SMG7: variants seen among roughly 807,000 people sequenced by gnomAD.
The protein encoded by SMG7 is nonsense-mediated mRNA decay factor SMG7.
In SMG7, 34 loss-of-function variants were observed where a neutral mutation model predicts 148.2. That is an observed-to-expected ratio of 0.23 (90% CI 0.17 to 0.31). The LOEUF (loss-of-function observed/expected upper bound fraction) is 0.31, where lower values mean the gene tolerates loss of function less well. Among genes scored for constraint, SMG7 ranks in the 10% least tolerant of loss-of-function variants. SMG7 has a pLI of 1.00. For synonymous variants in SMG7, 492 were observed against 515.1 expected, an observed-to-expected ratio of 0.96 and a Z score of 0.61; for missense variants, 1,114 against 1,408.4, an observed-to-expected ratio of 0.79 and a Z score of 3.35.
In SMG7 at chr1:183,497,277, T is replaced by C. The variant is rs147724072; in HGVS notation, c.30-15560T>C. Among the ~76,000 whole-genome samples the C allele has an allele frequency of 2.5e-3, 377 of 152,358 alleles. 1 individual carries two copies. Among genetic ancestry groups the C allele is most frequent in the Middle Eastern group, 0.024 (7 of 294 alleles). ...GGGCCCTCAACTGGAATGGCTGTGATAGCTAAGAAAACTGGGTCTCTCTTC... is the reference window on the plus strand; with the variant it reads ...GGGCCCTCAACTGGAATGGCTGTGACAGCTAAGAAAACTGGGTCTCTCTTC... On this transcript the variant is annotated intron_variant, in intron 1 of 22. Transcript: ENST00000688051.
Position 183,552,840 on chromosome 1 carries a change from AT to A in SMG7, c.*915del, listed in dbSNP as rs1237955169. On this transcript the variant is annotated 3_prime_UTR_variant, in exon 23 of 23. Transcript: ENST00000688051. ...ATAGGTAGAAGCTTTCAGTGTGGTTATTTTTTCTTTGGTTGGTTTTTGTGCC... is the reference window on the plus strand; with the variant it reads ...ATAGGTAGAAGCTTTCAGTGTGGTTATTTTTCTTTGGTTGGTTTTTGTGCC... The A allele has an allele frequency of 7.7e-6, 11 of 1,432,978 alleles. No individual in the cohort carries two copies. Among genetic ancestry groups the A allele is most frequent in the Non-Finnish European group, 9.1e-6 (10 of 1,098,188 alleles). The allele number at this position is 1,432,978 out of a possible 1,614,324, so 88.8% of individuals were successfully genotyped here. A position where few individuals can be genotyped will look rare whatever the true frequency, so the allele number is the denominator to read the frequency against.
At chr1:183,548,568 T>C (rs1469603275) in intron 18 of SMG7, among the ~76,000 whole-genome samples, 1 of 152,200 alleles carries the variant, frequency 6.6e-6, no homozygotes, top group Non-Finnish European at 1.5e-5. Context: ...ATATTTAACA[T>C]TAATGATACA....
At chr1:183,524,340 T>C (rs1665394772) in intron 4 of SMG7, among the ~76,000 whole-genome samples, 1 of 152,172 alleles carries the variant, frequency 6.6e-6, no homozygotes, top group East Asian at 1.9e-4. Context: ...AGGCTGGTCT[T>C]GAACTCCTGA....
At chr1:183,523,285 C>T (rs1558018799) in intron 4 of SMG7, among the ~76,000 whole-genome samples, 1 of 152,230 alleles carries the variant, frequency 6.6e-6, no homozygotes, top group East Asian at 1.9e-4. Flanking sequence ...TAAATAGGAA[C>T]CCAGAAACTG....
Position 183,550,806 on chromosome 1 carries a change from C to G in SMG7, c.3189C>G (p.Pro1063=). 1 of 1,614,148 alleles carries G rather than the reference C, an allele frequency of 6.2e-7. No individual in the cohort carries two copies. The highest frequency in any genetic ancestry group is 8.5e-7 in the Non-Finnish European group (1 of 1,179,996). ...SPHSSNPSSL[P]SSPPTHNHNS... ...ATTCCTCTAACCCAAGCAGCCTACC[C>G]AGCTCTCCTCCAACACACAACCATA... is the stretch of plus-strand genomic sequence containing the variant. Residue 1063 remains proline (P), a synonymous_variant, in exon 21 of 23, where the codon CCC becomes CCG. Coordinates refer to ENST00000688051, the MANE Select transcript of SMG7 (RefSeq NM_001375584.1).
At chr1:183,503,712 C>G (rs1425258431) in intron 1 of SMG7, among the ~76,000 whole-genome samples, 1 of 152,174 alleles carries the variant, frequency 6.6e-6, no homozygotes, top group Non-Finnish European at 1.5e-5. Flanking sequence ...TTGAACTATT[C>G]ATGTCACAAT....
chr1:183,542,950 T>TGTGC (rs1553251975), intron 14 of SMG7, among the ~76,000 whole-genome samples: 6 of 149,274 alleles, frequency 4.0e-5, no homozygotes, highest in Admixed American at 2.7e-4. Context: ...TGTGTGTGTG[T>TGTGC]GTGTGTGTGT....
intron 7 of SMG7, 56 bp downstream of exon 7, chr1:183,529,098 CT>C: frequency 6.7e-7 from 1 of 1,490,806 alleles, no homozygotes; most frequent in Non-Finnish European, 9.1e-7. Context: ...AACCTGGAGC[CT>C]TAATTCCTCA....
At chr1:183,529,363 C>G (rs377649513) in intron 7 of SMG7, 35 bp from the exon 8 acceptor site, 2 of 1,604,548 alleles carry the variant, frequency 1.2e-6, no homozygotes, top group Non-Finnish European at 1.7e-6. Flanking sequence ...CAATTTGCTG[C>G]TTATGATTCA....
intron 10 of SMG7, among the ~76,000 whole-genome samples, chr1:183,534,721 G>A (rs1667436331): frequency 6.6e-6 from 1 of 152,048 alleles, no homozygotes; most frequent in Admixed American, 6.6e-5. Flanking sequence ...AAAGATATTA[G>A]CCAGGCATTG....
intron 16 of SMG7, among the ~76,000 whole-genome samples, chr1:183,545,641 A>G (rs749586076): frequency 6.6e-5 from 10 of 152,230 alleles, no homozygotes; most frequent in African/African-American, 9.6e-5. Context: ...GTGCTAAGAC[A>G]GATGTGACAC....
At chr1:183,475,956 C>T (rs1652071999) in intron 1 of SMG7, among the ~76,000 whole-genome samples, 1 of 152,082 alleles carries the variant, frequency 6.6e-6, no homozygotes, top group South Asian at 2.1e-4. Flanking sequence ...CCTGGGGTCC[C>T]TTAAAGATTC....
In SMG7 at chr1:183,552,847, C is replaced by G; in HGVS notation, c.*916C>G. 7 of 1,431,200 alleles carry G rather than the reference C, an allele frequency of 4.9e-6. No homozygotes were observed. 88.7% of individuals were successfully genotyped at this position (1,431,200 alleles called of 1,614,324 possible). A position where few individuals can be genotyped will look rare whatever the true frequency, so the allele number is the denominator to read the frequency against. On this transcript the variant is annotated 3_prime_UTR_variant, in exon 23 of 23. Coordinates refer to ENST00000688051, the MANE Select transcript of SMG7 (RefSeq NM_001375584.1). ...GAAGCTTTCAGTGTGGTTATTTTTT[C>G]TTTGGTTGGTTTTTGTGCCCCCATT...
At chr1:183,517,625 G>T in intron 3 of SMG7, 63 bp from the exon 4 acceptor site, 2 of 1,516,486 alleles carry the variant, frequency 1.3e-6, no homozygotes, top group South Asian at 1.1e-5. Context: ...CTTGTTCTCA[G>T]GGGGACCAGT....
At chr1:183,481,054 G>A (rs1045609269) in intron 1 of SMG7, among the ~76,000 whole-genome samples, 10 of 152,020 alleles carry the variant, frequency 6.6e-5, no homozygotes, top group South Asian at 6.2e-4. Flanking sequence ...TAATCTTTGC[G>A]TTGCTTCTAT....
intron 12 of SMG7, among the ~76,000 whole-genome samples, chr1:183,539,115 G>T (rs1668318646): frequency 6.6e-6 from 1 of 152,010 alleles, no homozygotes; most frequent in South Asian, 2.1e-4. Context: ...TCACGCCACT[G>T]CACTCCAGCC....
intron 22 of SMG7, among the ~76,000 whole-genome samples, 168 bp downstream of exon 22, chr1:183,551,358 T>C (rs1671023416): frequency 6.6e-6 from 1 of 152,236 alleles, no homozygotes; most frequent in Admixed American, 6.5e-5. Context: ...TCTTGAGTGA[T>C]AATTTTTAAT....
At position 183,553,147 on chromosome 1, in the gene SMG7, ACAG is replaced by A; in HGVS notation, c.*1217_*1219del. On this transcript the variant is annotated 3_prime_UTR_variant, in exon 23 of 23. Transcript: ENST00000688051. ...CAGCACGGACATGTGCCCATCAGGCACAGAAGAAAACACGACGTCGTCCATTTT... is the reference window on the plus strand; with the variant it reads ...CAGCACGGACATGTGCCCATCAGGCAAAGAAAACACGACGTCGTCCATTTT... 1 of 1,536,472 alleles carries A rather than the reference ACAG, an allele frequency of 6.5e-7. No individual in the cohort carries two copies.
intron 11 of SMG7, among the ~76,000 whole-genome samples, chr1:183,537,924 C>T (rs1472941320): frequency 1.3e-5 from 2 of 152,120 alleles, no homozygotes; most frequent in African/African-American, 2.4e-5. Flanking sequence ...CCATGCTCCT[C>T]AGGCATTAAT....
Sources: gnomAD v4.1 joint callset for allele counts (sites outside exome capture counted in the v4.1 genomes callset) on GRCh38, gnomAD v4.1.1 for gene constraint, MANE v1.5 for transcripts, NCBI Gene and HGNC (gene_info 2026-07-23, HGNC 2026-07-21) for gene names.